CADM1: variants seen among roughly 807,000 people sequenced by gnomAD.
CADM1 encodes the protein TSLC-1.
In CADM1, 15 loss-of-function variants were observed where a neutral mutation model predicts 53.1. The observed-to-expected ratio is 0.28, with a 90% CI of 0.19 to 0.44. The LOEUF is 0.44. Ranked by LOEUF, CADM1 falls within the 20% of genes least tolerant of loss-of-function variation. The probability of loss-of-function intolerance (pLI) is 1.00; values close to 1 mark genes in which losing one functional copy is unlikely to be tolerated. For synonymous variants in CADM1, 281 were observed against 243.0 expected, an observed-to-expected ratio of 1.16 and a Z score of -1.45; for missense variants, 434 against 611.3, an observed-to-expected ratio of 0.71 and a Z score of 3.06.
intron 1 of CADM1, among the ~76,000 whole-genome samples, chr11:115,431,744 T>A (rs1249293336): frequency 6.6e-6 from 1 of 152,012 alleles, no homozygotes. Flanking sequence ...ACACCAGCCC[T>A]TCATATCTCA....
intron 1 of CADM1, among the ~76,000 whole-genome samples, chr11:115,317,471 C>T (rs1944699003): frequency 6.6e-6 from 1 of 152,178 alleles, no homozygotes; most frequent in Non-Finnish European, 1.5e-5. Context: ...TCCACATGCT[C>T]TCTGCAGCTT....
intron 8 of CADM1, among the ~76,000 whole-genome samples, chr11:115,206,039 C>T (rs1940659772): frequency 6.6e-6 from 1 of 152,148 alleles, no homozygotes; most frequent in African/African-American, 2.4e-5. Flanking sequence ...CATAGCCTCC[C>T]TTAAACATGC....
intron 1 of CADM1, among the ~76,000 whole-genome samples, chr11:115,273,743 T>C (rs921128004): frequency 6.6e-6 from 1 of 152,232 alleles, no homozygotes; most frequent in African/African-American, 2.4e-5. Flanking sequence ...ATGCAATGGG[T>C]AAAGTGTGTA....
intron 1 of CADM1, among the ~76,000 whole-genome samples, chr11:115,291,953 T>C (rs1943916241): frequency 6.6e-6 from 1 of 152,230 alleles, no homozygotes; most frequent in South Asian, 2.1e-4. Flanking sequence ...TTGGCATTTC[T>C]GAGAATATAG....
At chr11:115,339,799 T>G (rs543731807) in intron 1 of CADM1, among the ~76,000 whole-genome samples, 33 of 152,248 alleles carry the variant, frequency 2.2e-4, no homozygotes, top group African/African-American at 7.0e-4. Flanking sequence ...CCTTTTAATT[T>G]ATAGCACAGA....
chr11:115,466,140 C>T (rs974692491), intron 1 of CADM1, among the ~76,000 whole-genome samples: 1 of 152,128 alleles, frequency 6.6e-6, no homozygotes, highest in African/African-American at 2.4e-5. Context: ...TTTCCCCCAC[C>T]CTGTGGCACC....
intron 1 of CADM1, among the ~76,000 whole-genome samples, chr11:115,276,085 C>G (rs1454133386): frequency 6.6e-6 from 1 of 152,186 alleles, no homozygotes; most frequent in African/African-American, 2.4e-5. Flanking sequence ...CATTACCCAT[C>G]ATTAAAAAAT....
chr11:115,389,212 C>A (rs778116747), intron 1 of CADM1, among the ~76,000 whole-genome samples: 1 of 151,944 alleles, frequency 6.6e-6, no homozygotes, highest in African/African-American at 2.4e-5. Context: ...GAGGCGAATC[C>A]GTGTAAAATG....
chr11:115,248,866 G>C (rs1175735194), intron 1 of CADM1, among the ~76,000 whole-genome samples: 3 of 152,170 alleles, frequency 2.0e-5, no homozygotes. Context: ...AAATCACCTT[G>C]TGGAAGAGTC....
intron 6 of CADM1, among the ~76,000 whole-genome samples, chr11:115,215,306 C>T (rs1028248117): frequency 1.1e-4 from 17 of 152,180 alleles, no homozygotes; most frequent in African/African-American, 3.6e-4. Flanking sequence ...TGAAAAACCA[C>T]CTTTGATTCT....
chr11:115,260,941 T>C (rs1330962411), intron 1 of CADM1, among the ~76,000 whole-genome samples: 1 of 152,180 alleles, frequency 6.6e-6, no homozygotes, highest in East Asian at 1.9e-4. Context: ...CCCAAAGTGC[T>C]GGGATTACAG....
At chr11:115,472,606 T>C (rs1342309304) in intron 1 of CADM1, among the ~76,000 whole-genome samples, 1 of 152,248 alleles carries the variant, frequency 6.6e-6, no homozygotes, top group Non-Finnish European at 1.5e-5. Context: ...GAAATGTTAA[T>C]TTATTATTCA....
intron 8 of CADM1, among the ~76,000 whole-genome samples, chr11:115,207,094 T>C (rs1940734447): frequency 6.6e-6 from 1 of 152,134 alleles, no homozygotes; most frequent in African/African-American, 2.4e-5. Flanking sequence ...TAAGACTGCT[T>C]GTTAAGACAC....
intron 1 of CADM1, among the ~76,000 whole-genome samples, chr11:115,298,209 C>G (rs535808380): frequency 3.3e-4 from 51 of 152,348 alleles, no homozygotes; most frequent in Admixed American, 8.5e-4. Context: ...ATCTCCTTGT[C>G]TTGGCTTCCT....
chr11:115,392,855 A>T (rs1946872409), intron 1 of CADM1, among the ~76,000 whole-genome samples: 1 of 152,056 alleles, frequency 6.6e-6, no homozygotes, highest in South Asian at 2.1e-4. Context: ...CAATAGCAAA[A>T]TTCTGGAAAA....
intron 1 of CADM1, among the ~76,000 whole-genome samples, chr11:115,315,458 A>C (rs1371033934): frequency 1.3e-5 from 2 of 152,134 alleles, no homozygotes; most frequent in Non-Finnish European, 2.9e-5. Flanking sequence ...CTAGCCCAGA[A>C]AACTGCATGA....
chr11:115,298,174 C>T (rs1944129096), intron 1 of CADM1, among the ~76,000 whole-genome samples: 1 of 152,186 alleles, frequency 6.6e-6, no homozygotes, highest in Non-Finnish European at 1.5e-5. Flanking sequence ...CTACTGACAC[C>T]CTTCTGTATT....
At chr11:115,179,839 T>C (rs1390931379) in intron 10 of CADM1, among the ~76,000 whole-genome samples, 6 of 152,168 alleles carry the variant, frequency 3.9e-5, no homozygotes, top group Non-Finnish European at 5.9e-5. Flanking sequence ...TTACATGATT[T>C]GTGAAGTCAT....
intron 1 of CADM1, among the ~76,000 whole-genome samples, chr11:115,372,369 CTTTCTT>C (rs1223444278): frequency 5.3e-5 from 8 of 152,024 alleles, no homozygotes; most frequent in Admixed American, 1.3e-4. Flanking sequence ...ACTTTGAATT[CTTTCTT>C]TTTAAGAGTG....
Sources: allele counts gnomAD v4.1 joint callset (sites outside exome capture counted in the v4.1 genomes callset), GRCh38; gene constraint gnomAD v4.1.1; transcripts MANE v1.5; gene names NCBI Gene and HGNC (gene_info 2026-07-23, HGNC 2026-07-21).